Variants in SCOC observed in about 807,000 individuals in gnomAD.
SCOC encodes the protein short coiled-coil protein, also known as short coiled coil protein.
SCOC carries 7 observed loss-of-function variants against 9.9 expected under a neutral mutation model. That is an observed-to-expected ratio of 0.71 (90% CI 0.40 to 1.33). The LOEUF (loss-of-function observed/expected upper bound fraction) is 1.33. SCOC is among the 40% of genes most tolerant of loss of function. The probability of loss-of-function intolerance (pLI) is 0.01; values close to 1 mark genes in which losing one functional copy is unlikely to be tolerated. For missense variants in SCOC, 66 were observed against 89.7 expected (o/e 0.74, Z 1.07); for synonymous variants, 19 against 28.2 (o/e 0.67, Z 1.03).
chr4:140,273,640 C>T (rs1459563507), intron 1 of SCOC, among the ~76,000 whole-genome samples: 1 of 136,560 alleles, frequency 7.3e-6, no homozygotes, highest in African/African-American at 3.4e-5. Context: ...CTGATTTGCT[C>T]TGGTGAAAAA....
chr4:140,373,172 A>G (rs998387214), upstream of SCOC: 21 of 635,228 alleles, frequency 3.3e-5, no homozygotes, highest in Non-Finnish European at 4.3e-5. Context: ...TTTTAGAATT[A>G]AGGAACGACG....
chr4:140,360,464 G>A (rs370840183), intron 2 of SCOC, among the ~76,000 whole-genome samples: 26 of 152,236 alleles, frequency 1.7e-4, no homozygotes, highest in Non-Finnish European at 1.3e-4. Flanking sequence ...TGTACCTAAC[G>A]TTCTGTAAGC....
intron 1 of SCOC, chr4:140,257,500 T>C (rs1028938209): frequency 1.3e-5 from 2 of 152,192 alleles, no homozygotes; most frequent in Non-Finnish European, 2.9e-5. Context: ...GGTTTGGGCC[T>C]AGGGGAGAGC....
intron 3 of SCOC, among the ~76,000 whole-genome samples, chr4:140,380,432 T>G (rs1728528474): frequency 6.6e-6 from 1 of 151,982 alleles, no homozygotes; most frequent in Non-Finnish European, 1.5e-5. Flanking sequence ...ACTCCTGACC[T>G]CATGATCCAC....
At chr4:140,326,483 T>C (rs183304381) in intron 1 of SCOC, among the ~76,000 whole-genome samples, 33 of 152,220 alleles carry the variant, frequency 2.2e-4, no homozygotes, top group African/African-American at 7.2e-4. Context: ...GCAATAAATA[T>C]AGTGGCATGA....
chr4:140,376,506 T>C (rs2126594857), intron 1 of SCOC: 1 of 152,348 alleles, frequency 6.6e-6, no homozygotes, highest in East Asian at 1.9e-4. Flanking sequence ...TTACGTAGAC[T>C]GTGGTGTGAA....
intron 1 of SCOC, among the ~76,000 whole-genome samples, chr4:140,266,444 C>T (rs1317524680): frequency 1.3e-5 from 2 of 152,092 alleles, no homozygotes; most frequent in Non-Finnish European, 2.9e-5. Flanking sequence ...GGGCTAAGAG[C>T]TCTCAGGAGT....
intron 2 of SCOC, among the ~76,000 whole-genome samples, chr4:140,368,105 C>T (rs909433725): frequency 5.3e-5 from 8 of 152,116 alleles, no homozygotes; most frequent in Non-Finnish European, 8.8e-5. Flanking sequence ...ATCTAGCTCA[C>T]GATATAGTCA....
At position 140,382,715 on chromosome 4, in the gene SCOC, T is replaced by G. The variant is rs1473684005; in HGVS notation, c.*1611T>G. ...TTATTAATACAACTATAACTGGTTA[T>G]CAATATAAATATCATAGGCTATTAT... On this transcript the variant is annotated 3_prime_UTR_variant, in exon 4 of 4. Coordinates refer to ENST00000608372, the MANE Select transcript of SCOC (RefSeq NM_001153484.2). The G allele has an allele frequency of 1.3e-5, 2 of 152,660 alleles. No individual in the cohort carries two copies. The highest frequency in any genetic ancestry group is 2.9e-5 in the Non-Finnish European group (2 of 68,044). 9.5% of individuals were successfully genotyped at this position (152,660 alleles called of 1,614,324 possible). A position where few individuals can be genotyped will look rare whatever the true frequency, so the allele number is the denominator to read the frequency against.
intron 1 of SCOC, among the ~76,000 whole-genome samples, chr4:140,262,742 G>T (rs944160579): frequency 1.3e-5 from 2 of 152,126 alleles, no homozygotes; most frequent in Non-Finnish European, 1.5e-5. Flanking sequence ...AGGCTTGGCT[G>T]GGGAGGCCTC....
chr4:140,263,027 A>G (rs2126389822), intron 1 of SCOC, among the ~76,000 whole-genome samples: 1 of 152,312 alleles, frequency 6.6e-6, no homozygotes, highest in Admixed American at 6.5e-5. Context: ...GAGTCAAACC[A>G]TATCAGAGAA....
chr4:140,365,829 C>T (rs1321802174), intron 2 of SCOC, among the ~76,000 whole-genome samples: 3 of 152,180 alleles, frequency 2.0e-5, no homozygotes, highest in Admixed American at 6.5e-5. Flanking sequence ...AACATATATA[C>T]AAAATATGTG....
intron 2 of SCOC, among the ~76,000 whole-genome samples, chr4:140,351,131 A>C (rs930893240): frequency 6.6e-6 from 1 of 151,854 alleles, no homozygotes; most frequent in Admixed American, 6.6e-5. Context: ...TAGAGGTTGC[A>C]GTGAGCCGAG....
intron 2 of SCOC, among the ~76,000 whole-genome samples, chr4:140,359,975 T>C (rs903664500): frequency 3.3e-5 from 5 of 152,212 alleles, no homozygotes; most frequent in Admixed American, 3.3e-4. Context: ...AGACTTTTTG[T>C]CGCCCCCTTG....
upstream of SCOC, chr4:140,373,645 G>T: frequency 6.4e-7 from 1 of 1,551,570 alleles, no homozygotes; most frequent in Non-Finnish European, 8.7e-7. Flanking sequence ...GAGCTGCCGG[G>T]GTCAGTTGGT....
At chr4:140,307,498 G>T (rs1418132340) in intron 1 of SCOC, among the ~76,000 whole-genome samples, 1 of 152,168 alleles carries the variant, frequency 6.6e-6, no homozygotes, top group Non-Finnish European at 1.5e-5. Context: ...AAAGTCTATG[G>T]TTTCTGCTTC....
intron 1 of SCOC, among the ~76,000 whole-genome samples, chr4:140,330,902 G>GA (rs1300485313): frequency 1.3e-5 from 2 of 152,154 alleles, no homozygotes; most frequent in South Asian, 2.1e-4. Context: ...CCATTGGGAT[G>GA]AAAAAAACAG....
chr4:140,317,684 G>GTAT (rs4056378), intron 1 of SCOC, among the ~76,000 whole-genome samples: 13,696 of 127,162 alleles, frequency 0.11, 860 homozygotes, highest in African/African-American at 0.2. Context: ...TATTTTATTT[G>GTAT]TATTATTATT....
rs1003497565 is a variant in SCOC at position 140,262,868 on chromosome 4, C to A, written c.-19+5458C>A. 8.6e-5 allele frequency among the ~76,000 whole-genome samples: 13 copies of A among 151,696 alleles called. No homozygotes were observed. The South Asian group carries it at 1.9e-3, about 22-fold the overall frequency. On this transcript the variant is annotated intron_variant, in intron 1 of 4. Coordinates refer to the SCOC transcript ENST00000394205. ...GGAGGTGCTTCAGAATTTCAAACAA[C>A]CAGATCTTTTGAGACTTCTATCAGG...
Sources: allele counts gnomAD v4.1 joint callset (sites outside exome capture counted in the v4.1 genomes callset), GRCh38; gene constraint gnomAD v4.1.1; transcripts MANE v1.5; gene names NCBI Gene and HGNC (gene_info 2026-07-23, HGNC 2026-07-21).